CYSLTR2: variants seen among roughly 807,000 people sequenced by gnomAD.
CYSLTR2 encodes G-protein coupled receptor GPCR21.
For synonymous variants in CYSLTR2, 179 were observed against 160.8 expected (o/e 1.11, Z -0.86); for missense variants, 398 against 411.9 (o/e 0.97, Z 0.29).
chr13:48,706,792 T>C, intron 4 of CYSLTR2, 25 bp from the exon 5 acceptor site: 1 of 1,565,610 alleles, frequency 6.4e-7, no homozygotes, highest in Non-Finnish European at 8.7e-7. Flanking sequence ...AAGTAACTTT[T>C]TGTGTCTGTT....
At chr13:48,704,354 C>T (rs1954426257) in intron 4 of CYSLTR2, among the ~76,000 whole-genome samples, 1 of 152,122 alleles carries the variant, frequency 6.6e-6, no homozygotes, top group Admixed American at 6.6e-5. Context: ...GATACAGCAT[C>T]TCTACAAAAA....
Position 48,706,857 on chromosome 13 carries a change from G to A in CYSLTR2, c.40G>A (p.Val14Ile), listed in dbSNP as rs200402832. 89 of 1,613,826 alleles carry A rather than the reference G, an allele frequency of 5.5e-5. No individual in the cohort carries two copies. Among genetic ancestry groups the A allele is most frequent in the Non-Finnish European group, 6.0e-5 (71 of 1,179,902 alleles). ...KFMSLQPSIS[V>I]SEMEPNGTFS... ...TATGTCCTTGCAACCATCCATCTCC[G>A]TATCAGAAATGGAACCAAATGGCAC... Residue 14 changes from valine (V) to isoleucine (I), a missense_variant, in exon 5 of 5, where the codon GTA becomes ATA. By Grantham distance (29) the Val-to-Ile change is conservative (BLOSUM62 3). Transcript: ENST00000682523.
Position 48,707,212 on chromosome 13 carries a change from TGA to T in CYSLTR2, c.397_398del (p.Ser133CysfsTer46), listed in dbSNP as rs1566109981. The T allele has an allele frequency of 6.2e-7, 1 of 1,614,192 alleles. No individual in the cohort carries two copies. Among genetic ancestry groups the T allele is most frequent in the Non-Finnish European group, 8.5e-7 (1 of 1,180,042 alleles). ...AGCAGTATTTATTTCCTGACCGTGC[TGA>T]GTGTTGTGCGTTTCCTGGCAATGGT... On this transcript the variant is annotated frameshift_variant, in exon 5 of 5. Coordinates refer to ENST00000682523, the MANE Select transcript of CYSLTR2 (RefSeq NM_001308476.3). LOFTEE classifies it low-confidence loss of function (END_TRUNC).
chr13:48,693,807 C>A (rs959686433), intron 3 of CYSLTR2, among the ~76,000 whole-genome samples: 1 of 152,212 alleles, frequency 6.6e-6, no homozygotes, highest in Non-Finnish European at 1.5e-5. Flanking sequence ...CTATCACCAA[C>A]TTTAAACAAA....
chr13:48,685,426 C>A (rs917438722), intron 1 of CYSLTR2, among the ~76,000 whole-genome samples: 2 of 152,152 alleles, frequency 1.3e-5, no homozygotes, highest in Non-Finnish European at 2.9e-5. Flanking sequence ...TTTGGGTGAA[C>A]ACAGATCCAA....
chr13:48,673,105 TAG>T (rs1295202100), intron 1 of CYSLTR2, among the ~76,000 whole-genome samples: 1 of 152,222 alleles, frequency 6.6e-6, no homozygotes, highest in East Asian at 1.9e-4. Context: ...GAGAGTTCTG[TAG>T]ATGTCTATTA....
intron 1 of CYSLTR2, among the ~76,000 whole-genome samples, chr13:48,666,162 T>G (rs1953256094): frequency 6.6e-6 from 1 of 152,158 alleles, no homozygotes; most frequent in African/African-American, 2.4e-5. Context: ...AAGGATAGCT[T>G]TGCTTGGTAT....
chr13:48,710,263 A>G lies in CYSLTR2; in HGVS notation c.*2405A>G, dbSNP rs1954603480. ...TTTTAAAACATGTGCTGTTTTGAGTAGCATGTTGAAATCTCGCACTATCAC... is the reference window on the plus strand; with the variant it reads ...TTTTAAAACATGTGCTGTTTTGAGTGGCATGTTGAAATCTCGCACTATCAC... On this transcript the variant is annotated 3_prime_UTR_variant, in exon 5 of 5. Transcript: ENST00000682523. 1 of 152,206 alleles carries G rather than the reference A, an allele frequency of 6.6e-6. No individual in the cohort carries two copies. Among genetic ancestry groups the G allele is most frequent in the Non-Finnish European group, 1.5e-5 (1 of 68,036 alleles). The allele number at this position is 152,206 out of a possible 1,614,324, so 9.4% of individuals were successfully genotyped here.
chr13:48,678,521 C>T (rs1012512047), intron 1 of CYSLTR2, among the ~76,000 whole-genome samples: 20 of 152,208 alleles, frequency 1.3e-4, no homozygotes, highest in African/African-American at 4.3e-4. Flanking sequence ...CCCCGCTGTG[C>T]GAGCCTCTCC....
At chr13:48,659,285 C>T (rs1953071018) in intron 1 of CYSLTR2, among the ~76,000 whole-genome samples, 1 of 152,172 alleles carries the variant, frequency 6.6e-6, no homozygotes. Context: ...AGTGTAGCTG[C>T]ATCCCTGGCT....
At chr13:48,668,110 A>G (rs1953314204) in intron 1 of CYSLTR2, among the ~76,000 whole-genome samples, 1 of 152,122 alleles carries the variant, frequency 6.6e-6, no homozygotes, top group Non-Finnish European at 1.5e-5. Flanking sequence ...AAGACTGTCC[A>G]TTCCCCATGA....
chr13:48,688,535 G>T (rs1030692068), intron 1 of CYSLTR2, among the ~76,000 whole-genome samples: 6 of 152,172 alleles, frequency 3.9e-5, no homozygotes, highest in Non-Finnish European at 8.8e-5. Context: ...GTGTTAGTTT[G>T]CTGAGAATGA....
At chr13:48,697,131 C>A (rs1354173376) in intron 4 of CYSLTR2, among the ~76,000 whole-genome samples, 1 of 152,194 alleles carries the variant, frequency 6.6e-6, no homozygotes, top group Non-Finnish European at 1.5e-5. Context: ...CAGACTTAAA[C>A]GTCCCTGTCT....
At chr13:48,680,415 C>G (rs1413310711) in intron 1 of CYSLTR2, among the ~76,000 whole-genome samples, 1 of 152,184 alleles carries the variant, frequency 6.6e-6, no homozygotes, top group Non-Finnish European at 1.5e-5. Context: ...TTCTAAGCAT[C>G]GACGTAAGCT....
At chr13:48,700,211 A>C (rs1954303047) in intron 4 of CYSLTR2, among the ~76,000 whole-genome samples, 1 of 152,214 alleles carries the variant, frequency 6.6e-6, no homozygotes, top group Non-Finnish European at 1.5e-5. Context: ...GCAGAGACAC[A>C]ACAACAAAAG....
chr13:48,686,535 G>A (rs1205070843), intron 1 of CYSLTR2, among the ~76,000 whole-genome samples: 1 of 152,172 alleles, frequency 6.6e-6, no homozygotes, highest in Non-Finnish European at 1.5e-5. Flanking sequence ...CAGGGACCCA[G>A]ATTATCATAC....
chr13:48,706,727 A>G (rs1954498134), intron 4 of CYSLTR2, 90 bp from the exon 5 acceptor site: 15 of 1,065,470 alleles, frequency 1.4e-5, no homozygotes, highest in Non-Finnish European at 2.1e-5. Flanking sequence ...TCCCTGTTTC[A>G]TTAAAACCTA....
intron 1 of CYSLTR2, among the ~76,000 whole-genome samples, chr13:48,671,605 C>T (rs1486239107): frequency 6.6e-6 from 1 of 152,184 alleles, no homozygotes; most frequent in African/African-American, 2.4e-5. Context: ...GTTGAACCAG[C>T]CTTGCATTCC....
intron 1 of CYSLTR2, among the ~76,000 whole-genome samples, chr13:48,659,180 GC>G (rs2138803041): frequency 6.6e-6 from 1 of 152,222 alleles, no homozygotes; most frequent in African/African-American, 2.4e-5. Flanking sequence ...TTTGCTCCTG[GC>G]CCTCTCTCCT....
Sources: gnomAD v4.1 joint callset for allele counts (sites outside exome capture counted in the v4.1 genomes callset) on GRCh38, gnomAD v4.1.1 for gene constraint, MANE v1.5 for transcripts, NCBI Gene and HGNC (gene_info 2026-07-23, HGNC 2026-07-21) for gene names.